CYS1: variants seen among roughly 807,000 people sequenced by gnomAD.
The protein encoded by CYS1 is cystin 1, also known as cystin-1.
Under a neutral mutation model 9.6 loss-of-function variants are expected in CYS1, and 5 were observed. The ratio of observed to expected loss-of-function variants is 0.52; its 90% CI spans 0.27 to 1.10. The LOEUF (loss-of-function observed/expected upper bound fraction) is 1.10. Ranked by LOEUF, CYS1 falls within the 50% of genes least tolerant of loss-of-function variation. The pLI, the probability that CYS1 is intolerant of heterozygous loss-of-function variation, is 0.11. For synonymous variants in CYS1, 88 were observed against 95.7 expected (o/e 0.92, Z 0.47); for missense variants, 221 against 207.9 (o/e 1.06, Z -0.39).
chr2:10,056,774 C>T lies in CYS1; in HGVS notation c.*2079G>A, dbSNP rs893022471. The T allele has an allele frequency of 5.9e-5, 9 of 152,268 alleles. No individual in the cohort carries two copies. The highest frequency in any genetic ancestry group is 1.3e-4 in the Non-Finnish European group (9 of 68,070). The allele number at this position is 152,268 out of a possible 1,614,324, so 9.4% of individuals were successfully genotyped here. On this transcript the variant is annotated 3_prime_UTR_variant, in exon 3 of 3. Transcript: ENST00000381813. ...TCTCACAGGACAGAGACAGGGCCGG[C>T]TCAGCGGCTGGTACACACTGCTTTA...
At chr2:10,068,636 A>C (rs1261751509) in intron 1 of CYS1, among the ~76,000 whole-genome samples, 2 of 152,200 alleles carry the variant, frequency 1.3e-5, no homozygotes, top group East Asian at 1.9e-4. Flanking sequence ...CAAAGGAAAA[A>C]ACTTTTGGGT....
At chr2:10,075,209 A>G (rs749722558) in intron 1 of CYS1, among the ~76,000 whole-genome samples, 9 of 152,134 alleles carry the variant, frequency 5.9e-5, no homozygotes, top group Non-Finnish European at 1.2e-4. Context: ...GCTGGAACAC[A>G]TTAGTGATCC....
At position 10,058,889 on chromosome 2, in the gene CYS1, C is replaced by T; in HGVS notation, c.441G>A (p.Gly147=). The change falls in exon 3 of 3, where the codon GGG becomes GGA. Residue 147 remains glycine, a synonymous_variant. Transcript: ENST00000381813. The part of the protein sequence containing the change: ...AAISYDHSEE[G]LMASIEREYC... Reference sequence around the variant, plus strand: ...ACTCCCGCTCGATGCTCGCCATCAGCCCCTCTTCCGAGTGGTCGTAGGAGA... The same window carrying T: ...ACTCCCGCTCGATGCTCGCCATCAGTCCCTCTTCCGAGTGGTCGTAGGAGA... The T allele has an allele frequency of 6.3e-7, 1 of 1,594,476 alleles. No homozygotes were observed. The highest frequency in any genetic ancestry group is 1.1e-5 in the South Asian group (1 of 87,740).
intron 1 of CYS1, among the ~76,000 whole-genome samples, chr2:10,069,904 T>C (rs1412201225): frequency 6.6e-6 from 1 of 152,172 alleles, no homozygotes; most frequent in Non-Finnish European, 1.5e-5. Context: ...GGGCTCAGTG[T>C]GTCCCCACTA....
chr2:10,056,748 G>A lies in CYS1; in HGVS notation c.*2105C>T, dbSNP rs1159667822. ...CTCTACTTCCAGGCACAGCCCCTCC[G>A]TCTCACAGGACAGAGACAGGGCCGG... On this transcript the variant is annotated 3_prime_UTR_variant, in exon 3 of 3. Coordinates refer to ENST00000381813, the MANE Select transcript of CYS1 (RefSeq NM_001037160.3). 2.6e-5 allele frequency: 4 copies of A among 152,370 alleles called. No homozygotes were observed. The highest frequency in any genetic ancestry group is 1.9e-4 in the East Asian group (1 of 5,186). 9.4% of individuals were successfully genotyped at this position (152,370 alleles called of 1,614,324 possible). A position where few individuals can be genotyped will look rare whatever the true frequency, so the allele number is the denominator to read the frequency against.
At chr2:10,074,840 G>A (rs1432864319) in intron 1 of CYS1, among the ~76,000 whole-genome samples, 2 of 152,138 alleles carry the variant, frequency 1.3e-5, no homozygotes, top group Admixed American at 6.5e-5. Context: ...GGCCAGGTGC[G>A]GTCGCTCATG....
At chr2:10,065,804 G>T in intron 2 of CYS1, 100 bp downstream of exon 2, 3 of 1,169,028 alleles carry the variant, frequency 2.6e-6, no homozygotes, top group South Asian at 1.3e-5. Context: ...ACCTCGTGAG[G>T]ACCTGGAGGA....
Position 10,080,302 on chromosome 2 carries a change from C to G in CYS1, c.-79G>C, listed in dbSNP as rs1452652922. 7 of 894,970 alleles carry G rather than the reference C, an allele frequency of 7.8e-6. No individual in the cohort carries two copies. Among genetic ancestry groups the G allele is most frequent in the Non-Finnish European group, 6.7e-6 (5 of 744,824 alleles). The allele number at this position is 894,970 out of a possible 1,614,324, so 55.4% of individuals were successfully genotyped here. ...CCGGGGGCGGGGACGCTAGGGGGTG[C>G]GGCCGGGGCGGGCTGCAGGGGGAGG... is the stretch of plus-strand genomic sequence containing the variant. On this transcript the variant is annotated 5_prime_UTR_variant, in exon 1 of 3. Transcript: ENST00000381813. The surrounding 1 kb of genome is among the most constrained non-coding windows in gnomAD (Gnocchi z 6.4).
intron 2 of CYS1, among the ~76,000 whole-genome samples, chr2:10,062,666 G>C (rs1661643424): frequency 1.3e-5 from 2 of 152,164 alleles, no homozygotes; most frequent in Admixed American, 1.3e-4. Context: ...GCCTCCCAAA[G>C]TGCTGGGATT....
At chr2:10,073,969 G>A (rs1010852109) in intron 1 of CYS1, among the ~76,000 whole-genome samples, 17 of 152,146 alleles carry the variant, frequency 1.1e-4, no homozygotes, top group African/African-American at 4.1e-4. Context: ...GAGGCTGCCC[G>A]CTCCTCCCCC....
intron 2 of CYS1, among the ~76,000 whole-genome samples, chr2:10,064,484 C>G (rs934685250): frequency 2.6e-5 from 4 of 152,090 alleles, no homozygotes; most frequent in Non-Finnish European, 4.4e-5. Flanking sequence ...CTACCTCCCC[C>G]TCTGCAGCAG....
intron 1 of CYS1, among the ~76,000 whole-genome samples, chr2:10,071,112 C>T (rs1661761797): frequency 6.6e-6 from 1 of 152,040 alleles, no homozygotes; most frequent in African/African-American, 2.4e-5. Flanking sequence ...ATTACAGGTG[C>T]CCGCCACCAC....
intron 1 of CYS1, among the ~76,000 whole-genome samples, chr2:10,073,537 C>G (rs1255658953): frequency 1.3e-5 from 2 of 152,212 alleles, no homozygotes; most frequent in African/African-American, 4.8e-5. Flanking sequence ...TGACAGCTGT[C>G]TGGCCATATA....
intron 1 of CYS1, among the ~76,000 whole-genome samples, chr2:10,078,160 G>A (rs993571075): frequency 6.0e-5 from 9 of 151,086 alleles, no homozygotes; most frequent in Non-Finnish European, 1.2e-4. Context: ...CACCCAGAAG[G>A]GCAACTGCAG....
intron 1 of CYS1, among the ~76,000 whole-genome samples, chr2:10,066,902 A>G (rs528790745): frequency 1.0e-3 from 158 of 152,390 alleles, no homozygotes; most frequent in Admixed American, 3.4e-3. Flanking sequence ...TAGCTTTACA[A>G]TAATGAGTCT....
intron 1 of CYS1, among the ~76,000 whole-genome samples, chr2:10,075,104 A>C: frequency 8.9e-6 from 1 of 112,098 alleles, no homozygotes; most frequent in Non-Finnish European, 1.9e-5. Flanking sequence ...ATAGAGTGAG[A>C]CTCCATCTCA....
In CYS1 at chr2:10,058,702, G is replaced by C; in HGVS notation, c.*151C>G. 1 of 662,170 alleles carries C rather than the reference G, an allele frequency of 1.5e-6. No homozygotes were observed. The allele number at this position is 662,170 out of a possible 1,614,324, so 41.0% of individuals were successfully genotyped here. On this transcript the variant is annotated 3_prime_UTR_variant, in exon 3 of 3. Transcript: ENST00000381813. ...CCAGTGGCTGGCCCAGGTCAGCGCG[G>C]TCTGAAAGTGGATTTGAAAGGGCAG...
intron 1 of CYS1, among the ~76,000 whole-genome samples, chr2:10,074,387 A>ACCTCCT (rs1303347488): frequency 6.6e-6 from 1 of 151,726 alleles, no homozygotes; most frequent in Non-Finnish European, 1.5e-5. Context: ...GGCTCACCTC[A>ACCTCCT]CCTCCTCCTC....
chr2:10,077,912 C>T (rs1441605932), intron 1 of CYS1, among the ~76,000 whole-genome samples: 4 of 152,076 alleles, frequency 2.6e-5, no homozygotes, highest in African/African-American at 9.7e-5. Flanking sequence ...GAGTTTGAAA[C>T]CAGCCTGGCC....
Sources: gnomAD v4.1 joint callset for allele counts (sites outside exome capture counted in the v4.1 genomes callset) on GRCh38, gnomAD v4.1.1 for gene constraint, Gnocchi (gnomAD v3.1) non-coding constraint, MANE v1.5 for transcripts, NCBI Gene and HGNC (gene_info 2026-07-23, HGNC 2026-07-21) for gene names.